Variants in BEND3 observed in about 807,000 individuals in gnomAD.
BEND3 encodes the protein BEN domain containing 3.
BEND3 carries 13 observed loss-of-function variants against 60.1 expected under a neutral mutation model. The ratio of observed to expected loss-of-function variants is 0.22; its 90% CI spans 0.14 to 0.34. The LOEUF (loss-of-function observed/expected upper bound fraction) is 0.34. BEND3 is among the 10% of genes least tolerant of loss of function. The pLI is 1.00. For missense variants in BEND3, 896 were observed against 1,138.1 expected (o/e 0.79, Z 3.06); for synonymous variants, 497 against 491.5 (o/e 1.01, Z -0.15).
chr6:107,104,633 GTA>G (rs1554237156), intron 1 of BEND3, among the ~76,000 whole-genome samples: 13 of 150,970 alleles, frequency 8.6e-5, no homozygotes. Flanking sequence ...TGGTTATAGT[GTA>G]TAGTTTTTTC....
At chr6:107,090,643 G>A (rs566321104) in intron 3 of BEND3, among the ~76,000 whole-genome samples, 1 of 152,310 alleles carries the variant, frequency 6.6e-6, no homozygotes, top group Non-Finnish European at 1.5e-5. Flanking sequence ...CAAGGGAGAA[G>A]AGGGAGGAAT....
At chr6:107,085,476 CT>C (rs782139628) in intron 3 of BEND3, among the ~76,000 whole-genome samples, 4 of 152,018 alleles carry the variant, frequency 2.6e-5, no homozygotes, top group Non-Finnish European at 5.9e-5. Flanking sequence ...TTTTTTCTTT[CT>C]TTTTAAATTT....
intron 3 of BEND3, among the ~76,000 whole-genome samples, chr6:107,082,663 A>T (rs1775258204): frequency 6.6e-6 from 1 of 152,174 alleles, no homozygotes; most frequent in African/African-American, 2.4e-5. Context: ...TCCTGACCTC[A>T]GGTGATCCGC....
chr6:107,072,071 T>G lies in BEND3; in HGVS notation c.241-1121A>C, dbSNP rs569234886. On this transcript the variant is annotated intron_variant, in intron 3 of 3. Coordinates refer to ENST00000369042, the MANE Select transcript of BEND3 (RefSeq NM_001367314.1). ...CAAATGTTGAATTCGACCCAGATAC[T>G]TATGTAAATGTATATTTGAGTTTTA... 4.3e-4 allele frequency among the ~76,000 whole-genome samples: 66 copies of G among 152,348 alleles called. No homozygotes were observed. The South Asian group carries it at 0.013, about 30-fold the overall frequency.
chr6:107,101,317 T>C lies in BEND3; in HGVS notation c.-11-2021A>G, dbSNP rs551891762. ...ACATACAGTACCTGTTTTAGACAGG[T>C]GAATGGGGTGGGGATGGCAGCAAGA... On this transcript the variant is annotated intron_variant, in intron 1 of 3. Transcript: ENST00000369042. 1.2e-3 allele frequency among the ~76,000 whole-genome samples: 177 copies of C among 151,986 alleles called. 1 individual carries two copies. The highest frequency in any genetic ancestry group is 4.2e-3 in the African/African-American group (172 of 41,438).
intron 1 of BEND3, among the ~76,000 whole-genome samples, chr6:107,109,596 C>T (rs564753371): frequency 7.4e-4 from 112 of 151,056 alleles, no homozygotes; most frequent in African/African-American, 2.6e-3. Context: ...AAAAAATTGC[C>T]GGCACGGTCG....
At chr6:107,097,687 G>A (rs1196147252) in intron 3 of BEND3, among the ~76,000 whole-genome samples, 4 of 150,578 alleles carry the variant, frequency 2.7e-5, no homozygotes, top group African/African-American at 9.8e-5. Flanking sequence ...CTTCTCGGGA[G>A]GCTGAGGTAG....
rs544388130 is a variant in BEND3, at chr6:107,092,356, A to AAC, written c.240+6193_240+6194dup. ...ATCAGTTAATGAAATCCACCACAGC[A>AAC]ACAGGGTAAAGAAGAAAAATCACAT... On this transcript the variant is annotated intron_variant, in intron 3 of 3. Transcript: ENST00000369042. Among the ~76,000 whole-genome samples the AAC allele has an allele frequency of 7.2e-5, 11 of 152,350 alleles. No individual in the cohort carries two copies. In the South Asian group the frequency reaches 2.1e-3, roughly 29 times the overall value.
chr6:107,107,459 C>T (rs1456843286), intron 1 of BEND3, among the ~76,000 whole-genome samples: 1 of 149,556 alleles, frequency 6.7e-6, no homozygotes, highest in Non-Finnish European at 1.5e-5. Flanking sequence ...GTTTAAAGTG[C>T]ATTTTATTTT....
intron 3 of BEND3, among the ~76,000 whole-genome samples, chr6:107,092,519 T>C (rs1775497730): frequency 6.6e-6 from 1 of 152,140 alleles, no homozygotes; most frequent in Admixed American, 6.6e-5. Flanking sequence ...CAGCTAACAT[T>C]GTACTTAATG....
chr6:107,074,158 G>A (rs1487296065), intron 3 of BEND3, among the ~76,000 whole-genome samples: 1 of 152,166 alleles, frequency 6.6e-6, no homozygotes, highest in Non-Finnish European at 1.5e-5. Context: ...GCTCATGCCT[G>A]TAATCCCAGC....
In BEND3 at chr6:107,068,494, CAGA is replaced by C; in HGVS notation, c.*207_*209del. Reference sequence around the variant, plus strand: ...GGCTGCCCCGCCGGGGCACATAGGACAGAAGTTGTAAGTACAAGAGACCAAACT... The same window carrying C: ...GGCTGCCCCGCCGGGGCACATAGGACAGTTGTAAGTACAAGAGACCAAACT... On this transcript the variant is annotated 3_prime_UTR_variant, in exon 4 of 4. Coordinates refer to ENST00000369042, the MANE Select transcript of BEND3 (RefSeq NM_001367314.1). The surrounding 1 kb of genome is among the most constrained non-coding windows in gnomAD (Gnocchi z 5.8). 3.4e-6 allele frequency: 2 copies of C among 594,370 alleles called. No individual in the cohort carries two copies. The highest frequency in any genetic ancestry group is 5.8e-6 in the Non-Finnish European group (2 of 347,036). The allele number at this position is 594,370 out of a possible 1,614,324, so 36.8% of individuals were successfully genotyped here.
At chr6:107,110,022 C>A (rs1483900018) in intron 1 of BEND3, among the ~76,000 whole-genome samples, 4 of 124,898 alleles carry the variant, frequency 3.2e-5, no homozygotes, top group East Asian at 2.6e-4. Flanking sequence ...CAGAGTGAGA[C>A]CCTGACTCAA....
chr6:107,099,479 G>C (rs527345956), intron 1 of BEND3, among the ~76,000 whole-genome samples, 183 bp from the exon 2 acceptor site: 2 of 152,174 alleles, frequency 1.3e-5, no homozygotes, highest in Non-Finnish European at 2.9e-5. Flanking sequence ...GCCAGGCCTT[G>C]TGCATCCCTG....
intron 1 of BEND3, among the ~76,000 whole-genome samples, chr6:107,100,179 C>T (rs1775675687): frequency 1.3e-5 from 2 of 151,652 alleles, no homozygotes; most frequent in South Asian, 2.1e-4. Context: ...CTAATAATTG[C>T]TTTATATTGA....
At position 107,077,156 on chromosome 6, in the gene BEND3, T is replaced by C. The variant is rs1009240367; in HGVS notation, c.241-6206A>G. ...ATCTCTTTCTGCACAAAATCCTATT[T>C]TAAATGTGCTCACCATGTTGTCCAG... On this transcript the variant is annotated intron_variant, in intron 3 of 3. Coordinates refer to ENST00000369042, the MANE Select transcript of BEND3 (RefSeq NM_001367314.1). 2.0e-5 allele frequency among the ~76,000 whole-genome samples: 3 copies of C among 152,280 alleles called. No individual in the cohort carries two copies. In the South Asian group the frequency reaches 6.2e-4, roughly 32 times the overall value.
chr6:107,069,526 G>A lies in BEND3; in HGVS notation c.1665C>T (p.Leu555=), dbSNP rs149751718. ...DFEVPGADCL[L]SKEQLRSIYE... ...AGATGCTGCGTAGCTGCTCCTTGCT[G>A]AGCAGGCAGTCGGCACCGGGCACCT... Residue 555 remains leucine (L), a synonymous_variant, in exon 4 of 4, where the codon CTC becomes CTT. Coordinates refer to ENST00000369042, the MANE Select transcript of BEND3 (RefSeq NM_001367314.1). The A allele has an allele frequency of 4.2e-4, 676 of 1,613,162 alleles. 2 individuals carry two copies. In the African/African-American group the frequency reaches 7.9e-3, roughly 19 times the overall value.
chr6:107,086,778 G>A (rs542068014), intron 3 of BEND3, among the ~76,000 whole-genome samples: 1 of 151,796 alleles, frequency 6.6e-6, no homozygotes, highest in African/African-American at 2.4e-5. Flanking sequence ...TGTAATCCCA[G>A]CACTTTGGGA....
chr6:107,087,981 A>C (rs1449743867), intron 3 of BEND3, among the ~76,000 whole-genome samples: 3 of 150,418 alleles, frequency 2.0e-5, no homozygotes, highest in African/African-American at 4.9e-5. Context: ...AAAAAAAAAA[A>C]AACACTGTAA....
Sources: allele counts gnomAD v4.1 joint callset (sites outside exome capture counted in the v4.1 genomes callset), GRCh38; gene constraint gnomAD v4.1.1; non-coding constraint Gnocchi (gnomAD v3.1); transcripts MANE v1.5; gene names NCBI Gene and HGNC (gene_info 2026-07-23, HGNC 2026-07-21).